Variants in BMERB1 observed in about 807,000 individuals in gnomAD.
BMERB1 encodes the protein bMERB domain containing 1.
A neutral mutation model predicts 23.6 loss-of-function variants in BMERB1; 12 were observed. That is an observed-to-expected ratio of 0.51 (90% confidence interval 0.33 to 0.82). BMERB1 has a LOEUF of 0.82. Ranked by LOEUF, BMERB1 falls within the 40% of genes least tolerant of loss-of-function variation. The probability of loss-of-function intolerance (pLI) is 0.03; values close to 1 mark genes in which losing one functional copy is unlikely to be tolerated. For missense variants in BMERB1, 247 were observed against 255.4 expected, an observed-to-expected ratio of 0.97 and a Z score of 0.22; for synonymous variants, 122 against 96.6, an observed-to-expected ratio of 1.26 and a Z score of -1.54.
Position 15,583,197 on chromosome 16 carries a change from T to C in BMERB1, c.461T>C (p.Ile154Thr). ...AAGGAAATGGCTGATTTCCTGAGAA[T>C]CAAGTTAAAACCTCTAGACAAAGTA... Reference protein sequence around the residue: ...EDKEMADFLRIKLKPLDKVTK... With the variant: ...EDKEMADFLRTKLKPLDKVTK... Residue 154 changes from isoleucine to threonine, a missense_variant, in exon 5 of 6, where the codon ATC (isoleucine) becomes ACC (threonine). Transcript: ENST00000300006. 1 of 1,613,786 alleles carries C rather than the reference T, an allele frequency of 6.2e-7. No homozygotes were observed. Among genetic ancestry groups the C allele is most frequent in the Non-Finnish European group, 8.5e-7 (1 of 1,179,700 alleles).
At chr16:15,584,228 T>TTA in intron 5 of BMERB1, 1 of 576,838 alleles carries the variant, frequency 1.7e-6, no homozygotes, top group Non-Finnish European at 3.1e-6. Flanking sequence ...TCAAATGTGT[T>TTA]TAACTGCTGT....
chr16:15,551,327 G>A (rs2030085847), intron 2 of BMERB1, among the ~76,000 whole-genome samples: 1 of 152,162 alleles, frequency 6.6e-6, no homozygotes, highest in African/African-American at 2.4e-5. Flanking sequence ...CAGGGACGGG[G>A]TGGTGTGCTA....
chr16:15,581,751 G>C (rs2031019701), intron 4 of BMERB1, among the ~76,000 whole-genome samples: 1 of 152,086 alleles, frequency 6.6e-6, no homozygotes, highest in African/African-American at 2.4e-5. Context: ...CTTCCCCTTA[G>C]TGGCGCCAAT....
chr16:15,499,029 C>G (rs969715145), intron 1 of BMERB1, among the ~76,000 whole-genome samples: 1 of 152,220 alleles, frequency 6.6e-6, no homozygotes, highest in Non-Finnish European at 1.5e-5. Flanking sequence ...GATTACACTT[C>G]CAGAGGATTA....
At chr16:15,504,876 C>T (rs536108691) in intron 1 of BMERB1, among the ~76,000 whole-genome samples, 4 of 152,164 alleles carry the variant, frequency 2.6e-5, no homozygotes, top group Admixed American at 1.3e-4. Context: ...ACCTGAGTCC[C>T]TCATGTCCTT....
At chr16:15,518,464 G>C (rs1468164729) in intron 2 of BMERB1, among the ~76,000 whole-genome samples, 1 of 152,160 alleles carries the variant, frequency 6.6e-6, no homozygotes, top group African/African-American at 2.4e-5. Context: ...CAATCTCAGA[G>C]ATAGACGGTG....
rs1178987077 is a variant in BMERB1 at position 15,475,773 on chromosome 16, A to G, written c.107-39532A>G. ...ACCCCAGCAGGGGAATCAGACTGTT[A>G]CCACCTGCTTCTGCCACATGGGAGT... On this transcript the variant is annotated intron_variant, in intron 1 of 5. Coordinates refer to ENST00000300006, the MANE Select transcript of BMERB1 (RefSeq NM_033201.3). Among the ~76,000 whole-genome samples the G allele has an allele frequency of 3.3e-5, 5 of 152,290 alleles. No homozygotes were observed. The East Asian group carries it at 7.7e-4, about 24-fold the overall frequency.
intron 1 of BMERB1, among the ~76,000 whole-genome samples, chr16:15,435,284 C>T (rs995503817): frequency 1.3e-5 from 2 of 152,166 alleles, no homozygotes; most frequent in African/African-American, 4.8e-5. Context: ...GGGTGGGAGG[C>T]TTGGGGCGGC....
chr16:15,584,287 C>T (rs1044525824), intron 5 of BMERB1: 3 of 432,166 alleles, frequency 6.9e-6, no homozygotes, highest in Admixed American at 7.7e-5. Context: ...TGGCTGGGCG[C>T]GGTGGCTCAC....
chr16:15,575,161 C>G (rs527624559), intron 3 of BMERB1, among the ~76,000 whole-genome samples: 1 of 152,126 alleles, frequency 6.6e-6, no homozygotes, highest in Non-Finnish European at 1.5e-5. Context: ...GTGACTCCCT[C>G]CAGGCCTCTC....
In BMERB1 at chr16:15,456,052, T is replaced by A. The variant is rs1028759515; in HGVS notation, c.106+21293T>A. 2.0e-5 allele frequency among the ~76,000 whole-genome samples: 3 copies of A among 152,168 alleles called. No individual in the cohort carries two copies. The East Asian group carries it at 5.8e-4, about 29-fold the overall frequency. On this transcript the variant is annotated intron_variant, in intron 1 of 5. Coordinates refer to ENST00000300006, the MANE Select transcript of BMERB1 (RefSeq NM_033201.3). ...CACATAGATACTGTCAGTACGCTTT[T>A]AAAAATCTTTTTAAAGTAATAGATG...
intron 1 of BMERB1, among the ~76,000 whole-genome samples, chr16:15,479,430 C>G (rs986618721): frequency 6.6e-6 from 1 of 152,150 alleles, no homozygotes. Context: ...TGAATTGATA[C>G]AGTTTCAGAT....
intron 1 of BMERB1, among the ~76,000 whole-genome samples, chr16:15,481,849 C>T (rs756869797): frequency 1.6e-4 from 25 of 151,574 alleles, no homozygotes; most frequent in Non-Finnish European, 3.1e-4. Flanking sequence ...CTCAGCCTCC[C>T]AAGTAGCTGG....
At chr16:15,437,100 T>C (rs1404880067) in intron 1 of BMERB1, among the ~76,000 whole-genome samples, 2 of 152,026 alleles carry the variant, frequency 1.3e-5, no homozygotes, top group Non-Finnish European at 2.9e-5. Context: ...AACATGAAGG[T>C]TTATTGCTTT....
chr16:15,439,168 T>C (rs2050915472), intron 1 of BMERB1, among the ~76,000 whole-genome samples: 1 of 152,210 alleles, frequency 6.6e-6, no homozygotes, highest in Non-Finnish European at 1.5e-5. Flanking sequence ...TGTAATGTGC[T>C]ATATCAGAGT....
intron 1 of BMERB1, among the ~76,000 whole-genome samples, chr16:15,483,406 G>A (rs1222502602): frequency 6.6e-6 from 1 of 152,160 alleles, no homozygotes. Context: ...TTGAGACAGA[G>A]TTTCTCTCTG....
intron 1 of BMERB1, among the ~76,000 whole-genome samples, chr16:15,444,123 G>GGTT (rs2050966312): frequency 2.8e-5 from 1 of 35,610 alleles, no homozygotes; most frequent in South Asian, 1.3e-3. Context: ...CACCAGCTTT[G>GGTT]TTTTTTTTTT....
intron 1 of BMERB1, among the ~76,000 whole-genome samples, chr16:15,466,052 G>A (rs768149450): frequency 6.6e-6 from 1 of 152,016 alleles, no homozygotes; most frequent in Non-Finnish European, 1.5e-5. Context: ...TGGCCATCCA[G>A]GTATAAATGC....
chr16:15,570,199 T>C (rs896300906), intron 3 of BMERB1, among the ~76,000 whole-genome samples: 4 of 152,198 alleles, frequency 2.6e-5, no homozygotes, highest in African/African-American at 9.7e-5. Flanking sequence ...CAAGAGGCTG[T>C]TCTGCAGCAA....
Sources: gnomAD v4.1 joint callset for allele counts (sites outside exome capture counted in the v4.1 genomes callset) on GRCh38, gnomAD v4.1.1 for gene constraint, MANE v1.5 for transcripts, NCBI Gene and HGNC (gene_info 2026-07-23, HGNC 2026-07-21) for gene names.